CCNJ: variants seen among roughly 807,000 people sequenced by gnomAD.
The protein encoded by CCNJ is cyclin-J.
In CCNJ, 12 loss-of-function variants were observed where a neutral mutation model predicts 41.4. That is an observed-to-expected ratio of 0.29 (90% confidence interval 0.19 to 0.47). CCNJ has a LOEUF of 0.47. Ranked by LOEUF, CCNJ falls within the 20% of genes least tolerant of loss-of-function variation. The probability of loss-of-function intolerance (pLI) is 1.00; values close to 1 mark genes in which losing one functional copy is unlikely to be tolerated. For missense variants in CCNJ, 340 were observed against 464.6 expected (o/e 0.73, Z 2.47); for synonymous variants, 161 against 173.4 (o/e 0.93, Z 0.56).
rs756271398 is a variant in CCNJ at position 96,052,157 on chromosome 10, CTAAT to C, written c.280+1695_280+1698del. Among the ~76,000 whole-genome samples the C allele has an allele frequency of 5.9e-5, 9 of 152,290 alleles. No homozygotes were observed. In the East Asian group the frequency reaches 7.7e-4, roughly 13 times the overall value. ...TTATAATTAACCTTTAATTTAGCCT[CTAAT>C]TAAAGTTTCATGCTCATAAGTAATC... is the stretch of plus-strand genomic sequence containing the variant. On this transcript the variant is annotated intron_variant, in intron 3 of 5. Transcript: ENST00000465148.
At chr10:96,049,819 G>C (rs2080473534) in intron 2 of CCNJ, among the ~76,000 whole-genome samples, 1 of 152,126 alleles carries the variant, frequency 6.6e-6, no homozygotes, top group African/African-American at 2.4e-5. Context: ...CTACACTGTT[G>C]CAAGTATAAT....
chr10:96,057,137 G>A lies in CCNJ; in HGVS notation c.630G>A (p.Val210=), dbSNP rs1219321599. The change falls in exon 5 of 6, where the codon GTG becomes GTA. Residue 210 remains valine (V), a synonymous_variant. Transcript: ENST00000465148. ...YAPSLVAAAC[V]ASSRIILRLS... is the part of the protein sequence containing the mutation. ...CTTCTTTAGTAGCTGCTGCATGTGT[G>A]GCTTCTTCGAGGATTATACTTCGTC... 6.2e-7 allele frequency: 1 copy of A among 1,614,064 alleles called. No individual in the cohort carries two copies. Among genetic ancestry groups the A allele is most frequent in the South Asian group, 1.1e-5 (1 of 91,076 alleles).
Position 96,059,772 on chromosome 10 carries a change from C to A in CCNJ, c.*1531C>A, listed in dbSNP as rs2080779160. 6.6e-6 allele frequency: 1 copy of A among 152,506 alleles called. No homozygotes were observed. Among genetic ancestry groups the A allele is most frequent in the Non-Finnish European group, 1.5e-5 (1 of 68,038 alleles). 9.4% of individuals were successfully genotyped at this position (152,506 alleles called of 1,614,324 possible). A position where few individuals can be genotyped will look rare whatever the true frequency, so the allele number is the denominator to read the frequency against. On this transcript the variant is annotated 3_prime_UTR_variant, in exon 6 of 6. Transcript: ENST00000465148. ...GATGTTGTGGGTATGCAGCAGGAGTCTCAGTAATCAAGCCAATGGCCTTTG... is the reference window on the plus strand; with the variant it reads ...GATGTTGTGGGTATGCAGCAGGAGTATCAGTAATCAAGCCAATGGCCTTTG...
At chr10:96,050,896 A>C (rs1336315628) in intron 3 of CCNJ, among the ~76,000 whole-genome samples, 2 of 152,200 alleles carry the variant, frequency 1.3e-5, no homozygotes, top group Non-Finnish European at 2.9e-5. Context: ...ATCTGGTGAT[A>C]AAGTGGGAGA....
intron 1 of CCNJ, among the ~76,000 whole-genome samples, 179 bp from the exon 2 acceptor site, chr10:96,044,174 G>C (rs2080294174): frequency 1.3e-5 from 2 of 152,230 alleles, no homozygotes; most frequent in South Asian, 4.1e-4. Context: ...CTTCCTGCGG[G>C]GGCAGACCCG....
intron 3 of CCNJ, among the ~76,000 whole-genome samples, 178 bp from the exon 4 acceptor site, chr10:96,056,523 G>C (rs2080699496): frequency 6.6e-6 from 1 of 152,008 alleles, no homozygotes; most frequent in Admixed American, 6.6e-5. Context: ...GAAAGGTTGG[G>C]GATGGTGGCA....
chr10:96,053,951 A>G (rs2080605467), intron 3 of CCNJ, among the ~76,000 whole-genome samples: 1 of 152,014 alleles, frequency 6.6e-6, no homozygotes, highest in Admixed American at 6.6e-5. Flanking sequence ...TTTTCCCCCT[A>G]CTTAGTAATA....
rs756954237 is a variant in CCNJ, at chr10:96,057,046, C to T, written c.581-42C>T. 4.0e-5 allele frequency: 65 copies of T among 1,612,808 alleles called. 1 individual carries two copies. The highest frequency in any genetic ancestry group is 2.4e-4 in the South Asian group (22 of 91,026). On this transcript the variant is annotated intron_variant, in intron 4 of 5. Transcript: ENST00000465148. Reference sequence around the variant, plus strand: ...GTAAGTGACTTGTGCACTTGTGACTCGTGTATTCTGTTCCTTAAGTTCATT... The same window carrying T: ...GTAAGTGACTTGTGCACTTGTGACTTGTGTATTCTGTTCCTTAAGTTCATT...
rs1258694836 is a variant in CCNJ, at chr10:96,058,827, T to C, written c.*586T>C. On this transcript the variant is annotated 3_prime_UTR_variant, in exon 6 of 6. Transcript: ENST00000465148. ...CTATATAACTTCGTCTCACAAATAG[T>C]GTAGGTATCTGGGTTTATATACTAA... is the stretch of plus-strand genomic sequence containing the variant. The C allele has an allele frequency of 2.6e-5, 6 of 226,930 alleles. No homozygotes were observed. Among genetic ancestry groups the C allele is most frequent in the Non-Finnish European group, 5.1e-5 (6 of 118,030 alleles). The allele number at this position is 226,930 out of a possible 1,614,324, so 14.1% of individuals were successfully genotyped here. A position where few individuals can be genotyped will look rare whatever the true frequency, so the allele number is the denominator to read the frequency against.
chr10:96,044,404 A>T lies in CCNJ; in HGVS notation c.11A>T (p.Glu4Val), dbSNP rs1481289674. 6.4e-7 allele frequency: 1 copy of T among 1,556,752 alleles called. No individual in the cohort carries two copies. Among genetic ancestry groups the T allele is most frequent in the Admixed American group, 1.8e-5 (1 of 55,050 alleles). The stretch of plus-strand genomic sequence containing the variant: ...GCGCCGCCGGGTCCCATGGAGCTGG[A>T]GGGGCAGTGGTGGCGAGGACAGCTG... MEL[E>V]GQWWRGQLAA... The change falls in exon 2 of 6, where the codon GAG becomes GTG. Residue 4 changes from glutamate (E) to valine (V), a missense_variant. By Grantham distance (121) the Glu-to-Val change is moderately radical. Around this residue, in one of 3 missense-constraint regions of CCNJ, gnomAD observed 44 missense variants for 43.6 expected, o/e 1.01. Coordinates refer to ENST00000465148, the MANE Select transcript of CCNJ (RefSeq NM_001134375.2).
At chr10:96,054,664 T>C (rs900319747) in intron 3 of CCNJ, among the ~76,000 whole-genome samples, 1 of 152,202 alleles carries the variant, frequency 6.6e-6, no homozygotes, top group African/African-American at 2.4e-5. Context: ...TCCTTTTGGC[T>C]TCCATTTTTG....
chr10:96,054,815 G>A (rs1489596363), intron 3 of CCNJ, among the ~76,000 whole-genome samples: 5 of 152,106 alleles, frequency 3.3e-5, no homozygotes, highest in Non-Finnish European at 5.9e-5. Flanking sequence ...CTTGCTCCTT[G>A]AATTATGATG....
rs758655578 is a variant in CCNJ at position 96,059,548 on chromosome 10, A to C, written c.*1307A>C. On this transcript the variant is annotated 3_prime_UTR_variant, in exon 6 of 6. Transcript: ENST00000465148. ...AATAACCTTAAAAAGTTAAAAAGTCATTGTAATAACTGATAAACTGTATAC... is the reference window on the plus strand; with the variant it reads ...AATAACCTTAAAAAGTTAAAAAGTCCTTGTAATAACTGATAAACTGTATAC... 6.6e-6 allele frequency: 1 copy of C among 152,216 alleles called. No individual in the cohort carries two copies. 9.4% of individuals were successfully genotyped at this position (152,216 alleles called of 1,614,324 possible).
Position 96,058,077 on chromosome 10 carries a change from G to A in CCNJ, c.988G>A (p.Ala330Thr). 6.2e-7 allele frequency: 1 copy of A among 1,614,052 alleles called. No homozygotes were observed. Among genetic ancestry groups the A allele is most frequent in the Admixed American group, 1.7e-5 (1 of 60,002 alleles). Residue 330 changes from alanine (A) to threonine (T), a missense_variant, in exon 6 of 6, where the codon GCT becomes ACT. This residue lies in a region of CCNJ where 159 missense variants were observed against 168.2 expected (regional missense o/e 0.95). Coordinates refer to ENST00000465148, the MANE Select transcript of CCNJ (RefSeq NM_001134375.2). The stretch of plus-strand genomic sequence containing the variant: ...ATCTTACACACTACAGACATGTCCT[G>A]CTGGCTTCCAAACTAGTGTTCAGGG... The part of the protein sequence containing the change: ...TSSYTLQTCP[A>T]GFQTSVQGLG...
chr10:96,057,347 G>C, intron 5 of CCNJ, 100 bp downstream of exon 5: 1 of 1,034,098 alleles, frequency 9.7e-7, no homozygotes, highest in Non-Finnish European at 1.4e-6. Flanking sequence ...GAGTTCCTAG[G>C]TTATTTGCTT....
chr10:96,059,706 G>T lies in CCNJ; in HGVS notation c.*1465G>T, dbSNP rs546464401. 6.6e-6 allele frequency: 1 copy of T among 152,508 alleles called. No individual in the cohort carries two copies. The highest frequency in any genetic ancestry group is 6.6e-5 in the Admixed American group (1 of 15,266). The allele number at this position is 152,508 out of a possible 1,614,324, so 9.4% of individuals were successfully genotyped here. A position where few individuals can be genotyped will look rare whatever the true frequency, so the allele number is the denominator to read the frequency against. On this transcript the variant is annotated 3_prime_UTR_variant, in exon 6 of 6. Transcript: ENST00000465148. ...GAAGGGAAAACTGCATGGCAGATAC[G>T]TGACTGCCACAATATGCATCGAAGA...
intron 3 of CCNJ, 147 bp from the exon 4 acceptor site, chr10:96,056,554 T>G: frequency 1.6e-6 from 1 of 625,098 alleles, no homozygotes; most frequent in Non-Finnish European, 2.8e-6. Flanking sequence ...AAACACAGGG[T>G]TCTGGCACAA....
At chr10:96,056,308 C>CAA (rs769527248) in intron 3 of CCNJ, among the ~76,000 whole-genome samples, 11 of 129,568 alleles carry the variant, frequency 8.5e-5, no homozygotes, top group Non-Finnish European at 8.3e-5. Context: ...GACTCCATCT[C>CAA]AAAAAAAAAA....
intron 3 of CCNJ, among the ~76,000 whole-genome samples, chr10:96,055,917 C>G (rs377737583): frequency 6.6e-6 from 1 of 152,198 alleles, no homozygotes; most frequent in Non-Finnish European, 1.5e-5. Context: ...CCTCCAGTCT[C>G]TCTCTGGAAT....
Sources: allele counts gnomAD v4.1 joint callset (sites outside exome capture counted in the v4.1 genomes callset), GRCh38; gene constraint gnomAD v4.1.1; regional missense constraint gnomAD v4.1.1; transcripts MANE v1.5; gene names NCBI Gene and HGNC (gene_info 2026-07-23, HGNC 2026-07-21).